The following ZMAT4 variants were observed in gnomAD, a reference collection of about 807,000 sequenced individuals.
ZMAT4 encodes the protein zinc finger matrin-type protein 4.
Under a neutral mutation model 28.7 loss-of-function variants are expected in ZMAT4, and 17 were observed. The observed-to-expected ratio is 0.59, with a 90% CI of 0.41 to 0.89. The LOEUF (loss-of-function observed/expected upper bound fraction) is 0.89, where lower values mean the gene tolerates loss of function less well. Ranked by LOEUF, ZMAT4 falls within the 40% of genes least tolerant of loss-of-function variation. The pLI, the probability that ZMAT4 is intolerant of heterozygous loss-of-function variation, is 0.00. For synonymous variants in ZMAT4, 117 were observed against 109.2 expected (o/e 1.07, Z -0.44); for missense variants, 240 against 283.8 (o/e 0.85, Z 1.11).
intron 2 of ZMAT4, among the ~76,000 whole-genome samples, chr8:40,817,723 A>T (rs751092562): frequency 1.3e-5 from 2 of 152,170 alleles, no homozygotes; most frequent in Non-Finnish European, 2.9e-5. Flanking sequence ...ACTCCTGGAG[A>T]TCCTGAAATG....
intron 5 of ZMAT4, among the ~76,000 whole-genome samples, chr8:40,594,708 T>A (rs149198068): frequency 1.4e-4 from 22 of 152,334 alleles, no homozygotes; most frequent in African/African-American, 4.6e-4. Flanking sequence ...GAGTGGGACA[T>A]TTTGTAACAA....
In ZMAT4 at chr8:40,538,794, G is replaced by GT. The variant is rs1272878090; in HGVS notation, c.675-6557dup. Among the ~76,000 whole-genome samples, 10 of 145,420 alleles carry GT rather than the reference G, an allele frequency of 6.9e-5. No homozygotes were observed. In the East Asian group the frequency reaches 2.0e-3, roughly 29 times the overall value. On this transcript the variant is annotated intron_variant, in intron 6 of 6. Transcript: ENST00000297737. ...TGCATTTTTCTTTCTCTTTTTTTTTGTTTTTTGAGACAGAGTCTTCCTTTG... is the reference window on the plus strand; with the variant it reads ...TGCATTTTTCTTTCTCTTTTTTTTTGTTTTTTTGAGACAGAGTCTTCCTTTG...
At chr8:40,604,329 C>A (rs1309258923) in intron 5 of ZMAT4, among the ~76,000 whole-genome samples, 1 of 152,124 alleles carries the variant, frequency 6.6e-6, no homozygotes, top group African/African-American at 2.4e-5. Flanking sequence ...CAACTTTTCC[C>A]CATTCAGTAT....
intron 3 of ZMAT4, among the ~76,000 whole-genome samples, chr8:40,697,787 T>C (rs1409293000): frequency 6.9e-6 from 1 of 145,908 alleles, no homozygotes; most frequent in Non-Finnish European, 1.5e-5. Flanking sequence ...ACTCAGTGAC[T>C]GACTTTGACA....
intron 5 of ZMAT4, among the ~76,000 whole-genome samples, chr8:40,669,803 C>T (rs868415349): frequency 2.0e-5 from 3 of 152,070 alleles, no homozygotes; most frequent in Non-Finnish European, 2.9e-5. Flanking sequence ...TGCCCCTGAT[C>T]CTTGTGTTGT....
intron 1 of ZMAT4, among the ~76,000 whole-genome samples, chr8:40,874,076 C>T (rs1817953760): frequency 6.6e-6 from 1 of 152,216 alleles, no homozygotes; most frequent in Non-Finnish European, 1.5e-5. Context: ...CACTCAAGCA[C>T]ACACTCATCT....
intron 5 of ZMAT4, among the ~76,000 whole-genome samples, chr8:40,601,468 G>GAAAGAAAAAA (rs1563359930): frequency 1.0e-3 from 20 of 19,994 alleles, no homozygotes; most frequent in East Asian, 8.5e-3. Context: ...GAGGAAGAAA[G>GAAAGAAAAAA]GAAAGAAAGA....
At chr8:40,709,394 A>G (rs1810507537) in intron 3 of ZMAT4, among the ~76,000 whole-genome samples, 1 of 152,232 alleles carries the variant, frequency 6.6e-6, no homozygotes, top group South Asian at 2.1e-4. Flanking sequence ...AAAACAATCA[A>G]CACAAAAAAA....
At chr8:40,550,332 T>TAC (rs1345174547) in intron 6 of ZMAT4, among the ~76,000 whole-genome samples, 1 of 152,190 alleles carries the variant, frequency 6.6e-6, no homozygotes, top group Non-Finnish European at 1.5e-5. Flanking sequence ...AATAGTGGTC[T>TAC]AACAGCTCTC....
chr8:40,632,895 G>T (rs1488457304), intron 5 of ZMAT4, among the ~76,000 whole-genome samples: 2 of 152,330 alleles, frequency 1.3e-5, no homozygotes, highest in South Asian at 4.1e-4. Context: ...ATGTAGTGGT[G>T]TTGTGGGTTA....
chr8:40,877,171 T>C (rs1563260725), intron 1 of ZMAT4, among the ~76,000 whole-genome samples: 1 of 152,096 alleles, frequency 6.6e-6, no homozygotes, highest in East Asian at 1.9e-4. Context: ...GAGATGGCCG[T>C]CTACAAGCCA....
intron 1 of ZMAT4, among the ~76,000 whole-genome samples, chr8:40,838,596 A>G (rs965060605): frequency 1.3e-5 from 2 of 152,048 alleles, no homozygotes; most frequent in Non-Finnish European, 2.9e-5. Context: ...TCTCCTCGTC[A>G]GCTCTGCTTA....
At chr8:40,730,542 A>G (rs1811492844) in intron 3 of ZMAT4, among the ~76,000 whole-genome samples, 1 of 152,172 alleles carries the variant, frequency 6.6e-6, no homozygotes, top group Non-Finnish European at 1.5e-5. Flanking sequence ...AAAATACTTA[A>G]TTTGTACTCA....
chr8:40,856,600 AAAGCCAGGAGACATC>A (rs1272931987), intron 1 of ZMAT4, among the ~76,000 whole-genome samples: 2 of 152,244 alleles, frequency 1.3e-5, no homozygotes, highest in Non-Finnish European at 1.5e-5. Flanking sequence ...GTGGTAGCAT[AAAGCCAGGAGACATC>A]AACCCTGAAG....
Position 40,725,108 on chromosome 8 carries a change from T to C in ZMAT4, c.193-27707A>G, listed in dbSNP as rs553607376. The stretch of plus-strand genomic sequence containing the variant: ...TAGTTGCAAACTGCGGGAAGTGCCA[T>C]CAGGAGGGAAGTCATCAAAAATTCC... On this transcript the variant is annotated intron_variant, in intron 3 of 6. Coordinates refer to ENST00000297737, the MANE Select transcript of ZMAT4 (RefSeq NM_024645.3). Among the ~76,000 whole-genome samples the C allele has an allele frequency of 5.3e-5, 8 of 152,250 alleles. 1 individual carries two copies. In the South Asian group the frequency reaches 1.7e-3, roughly 32 times the overall value.
intron 1 of ZMAT4, among the ~76,000 whole-genome samples, chr8:40,859,369 T>A (rs1183565704): frequency 6.6e-6 from 1 of 151,846 alleles, no homozygotes; most frequent in Middle Eastern, 3.2e-3. Flanking sequence ...TTTTCCATCC[T>A]CCTCCCCTGA....
chr8:40,694,249 G>A (rs1421132431), intron 4 of ZMAT4, among the ~76,000 whole-genome samples: 2 of 152,152 alleles, frequency 1.3e-5, no homozygotes, highest in Non-Finnish European at 2.9e-5. Flanking sequence ...TCAGGGAGCT[G>A]TACTTGATAA....
rs1385144201 is a variant in ZMAT4 at position 40,530,715 on chromosome 8, T to A, written c.*1508A>T. 6.6e-6 allele frequency: 1 copy of A among 152,610 alleles called. No homozygotes were observed. The highest frequency in any genetic ancestry group is 1.5e-5 in the Non-Finnish European group (1 of 68,038). 9.5% of individuals were successfully genotyped at this position (152,610 alleles called of 1,614,324 possible). A position where few individuals can be genotyped will look rare whatever the true frequency, so the allele number is the denominator to read the frequency against. On this transcript the variant is annotated 3_prime_UTR_variant, in exon 7 of 7. Transcript: ENST00000297737. ...AGGTTTGTAGGTCGGCTGTGTGCTTTCCAAAACAGCAAAATAGATTCTTCC... is the reference window on the plus strand; with the variant it reads ...AGGTTTGTAGGTCGGCTGTGTGCTTACCAAAACAGCAAAATAGATTCTTCC...
At chr8:40,831,513 G>A (rs1816279142) in intron 1 of ZMAT4, among the ~76,000 whole-genome samples, 2 of 152,194 alleles carry the variant, frequency 1.3e-5, no homozygotes, top group South Asian at 2.1e-4. Flanking sequence ...CCCCAGGGTG[G>A]CATCTCCTCC....
Sources: gnomAD v4.1 joint callset for allele counts (sites outside exome capture counted in the v4.1 genomes callset) on GRCh38, gnomAD v4.1.1 for gene constraint, MANE v1.5 for transcripts, NCBI Gene and HGNC (gene_info 2026-07-23, HGNC 2026-07-21) for gene names.